RAB3C: variants seen among roughly 807,000 people sequenced by gnomAD.
RAB3C encodes ras-related protein Rab-3C.
In RAB3C, 17 loss-of-function variants were observed where a neutral mutation model predicts 26.4. The ratio of observed to expected loss-of-function variants is 0.64; its 90% CI spans 0.44 to 0.97. The LOEUF (loss-of-function observed/expected upper bound fraction) is 0.97, where lower values mean the gene tolerates loss of function less well. Ranked by LOEUF, RAB3C falls within the 50% of genes least tolerant of loss-of-function variation. The pLI, the probability that RAB3C is intolerant of heterozygous loss-of-function variation, is 0.00. For synonymous variants in RAB3C, 91 were observed against 95.9 expected (o/e 0.95, Z 0.30); for missense variants, 242 against 281.9 (o/e 0.86, Z 1.01).
At chr5:58,613,945 G>T (rs960835568) in intron 1 of RAB3C, among the ~76,000 whole-genome samples, 1 of 152,000 alleles carries the variant, frequency 6.6e-6, no homozygotes, top group African/African-American at 2.4e-5. Flanking sequence ...TGCTGTAAAG[G>T]CTTCTTCACA....
intron 3 of RAB3C, among the ~76,000 whole-genome samples, chr5:58,777,908 T>C (rs769541647): frequency 3.3e-5 from 5 of 152,114 alleles, no homozygotes; most frequent in Non-Finnish European, 7.4e-5. Context: ...TCCATGTCCC[T>C]GCAAAGGACA....
chr5:58,631,153 G>T (rs1397386705), intron 2 of RAB3C, among the ~76,000 whole-genome samples: 1 of 152,148 alleles, frequency 6.6e-6, no homozygotes, highest in Non-Finnish European at 1.5e-5. Context: ...AAGTGCAAAG[G>T]ACTGGAAAAT....
intron 1 of RAB3C, among the ~76,000 whole-genome samples, chr5:58,590,876 A>C (rs1308727295): frequency 6.6e-6 from 1 of 152,162 alleles, no homozygotes; most frequent in African/African-American, 2.4e-5. Context: ...CTTTTCTGCT[A>C]ATAAATATAA....
At position 58,769,493 on chromosome 5, in the gene RAB3C, C is replaced by T. The variant is rs552891451; in HGVS notation, c.371+43373C>T. ...CTGGGACAGTAGATGATACTGGGAA[C>T]GTTACATCTGCTTGAAAAAATAAAG... is the stretch of plus-strand genomic sequence containing the variant. On this transcript the variant is annotated intron_variant, in intron 3 of 4. Transcript: ENST00000282878. Among the ~76,000 whole-genome samples the T allele has an allele frequency of 2.0e-5, 3 of 151,974 alleles. 1 individual carries two copies. Among genetic ancestry groups the T allele is most frequent in the African/African-American group, 7.2e-5 (3 of 41,476 alleles).
chr5:58,612,098 T>C (rs1471844887), intron 1 of RAB3C, among the ~76,000 whole-genome samples: 2 of 152,132 alleles, frequency 1.3e-5, no homozygotes, highest in Non-Finnish European at 2.9e-5. Flanking sequence ...ATATGTCTTG[T>C]TTTTGTACCA....
chr5:58,769,508 A>G (rs1240972208), intron 3 of RAB3C, among the ~76,000 whole-genome samples: 1 of 152,066 alleles, frequency 6.6e-6, no homozygotes, highest in African/African-American at 2.4e-5. Context: ...CATCTGCTTG[A>G]AAAAATAAAG....
chr5:58,624,185 G>T (rs183772625), intron 2 of RAB3C, among the ~76,000 whole-genome samples: 1 of 152,146 alleles, frequency 6.6e-6, no homozygotes, highest in Non-Finnish European at 1.5e-5. Context: ...AGCACGCCAA[G>T]GGTCTGCCAT....
intron 3 of RAB3C, among the ~76,000 whole-genome samples, chr5:58,750,456 C>A (rs1445264509): frequency 6.6e-6 from 1 of 150,596 alleles, no homozygotes; most frequent in Non-Finnish European, 1.5e-5. Context: ...TGGCCCATTT[C>A]TTTGAGTGGC....
intron 3 of RAB3C, among the ~76,000 whole-genome samples, chr5:58,802,783 C>T (rs951042785): frequency 2.0e-5 from 3 of 152,178 alleles, no homozygotes; most frequent in African/African-American, 7.2e-5. Flanking sequence ...AAAGACCCTA[C>T]AATACAAGGC....
chr5:58,702,489 G>A (rs922332771), intron 2 of RAB3C, among the ~76,000 whole-genome samples: 6 of 152,050 alleles, frequency 3.9e-5, no homozygotes, highest in Non-Finnish European at 7.4e-5. Context: ...ATTTCCTCCA[G>A]GCACCTGCAC....
intron 2 of RAB3C, among the ~76,000 whole-genome samples, chr5:58,642,124 T>C (rs551120557): frequency 5.1e-4 from 78 of 152,334 alleles, no homozygotes; most frequent in African/African-American, 1.8e-3. Context: ...GCCATGCCAT[T>C]TGCATGATGA....
chr5:58,748,651 A>G (rs182238012), intron 3 of RAB3C, among the ~76,000 whole-genome samples: 178 of 152,224 alleles, frequency 1.2e-3, no homozygotes, highest in Middle Eastern at 0.01. Flanking sequence ...CCAGAAATGA[A>G]ATATATACAT....
At chr5:58,771,914 A>C (rs866236364) in intron 3 of RAB3C, among the ~76,000 whole-genome samples, 24 of 148,362 alleles carry the variant, frequency 1.6e-4, no homozygotes, top group Admixed American at 1.4e-3. Context: ...TCTCAAGGCT[A>C]AGCACTACAA....
intron 2 of RAB3C, among the ~76,000 whole-genome samples, chr5:58,624,749 G>T (rs1747018135): frequency 6.6e-6 from 1 of 152,284 alleles, no homozygotes; most frequent in East Asian, 1.9e-4. Flanking sequence ...AAGACAGTGG[G>T]ATAAAGAAGA....
chr5:58,765,345 TAA>T (rs140050550), intron 3 of RAB3C, among the ~76,000 whole-genome samples: 3,943 of 152,270 alleles, frequency 0.026, 171 homozygotes, highest in African/African-American at 0.088. Context: ...TTATGACAGA[TAA>T]GAGAAGAAAC....
chr5:58,757,436 A>C (rs1242676968), intron 3 of RAB3C, among the ~76,000 whole-genome samples: 2 of 151,926 alleles, frequency 1.3e-5, no homozygotes, highest in African/African-American at 2.4e-5. Context: ...GGAAGAATGG[A>C]TTACTGCCAC....
intron 3 of RAB3C, among the ~76,000 whole-genome samples, chr5:58,745,120 G>A (rs973763245): frequency 3.9e-5 from 6 of 151,988 alleles, no homozygotes; most frequent in African/African-American, 4.8e-5. Flanking sequence ...GATGGGGGCC[G>A]GGCGCGGTGG....
chr5:58,806,334 G>A (rs1742937697), intron 3 of RAB3C, among the ~76,000 whole-genome samples: 3 of 152,096 alleles, frequency 2.0e-5, no homozygotes, highest in Admixed American at 2.0e-4. Context: ...CTGAATAAAT[G>A]GTAGCTATTG....
At chr5:58,592,024 G>A (rs1746142539) in intron 1 of RAB3C, among the ~76,000 whole-genome samples, 1 of 151,082 alleles carries the variant, frequency 6.6e-6, no homozygotes, top group African/African-American at 2.4e-5. Context: ...TCAGCTTTCT[G>A]AGTAGCTGAA....
Sources: allele counts gnomAD v4.1 joint callset (sites outside exome capture counted in the v4.1 genomes callset), GRCh38; gene constraint gnomAD v4.1.1; transcripts MANE v1.5; gene names NCBI Gene and HGNC (gene_info 2026-07-23, HGNC 2026-07-21).